NPAS2: variants seen among roughly 807,000 people sequenced by gnomAD.
The protein encoded by NPAS2 is neuronal PAS domain protein 2, also known as neuronal PAS domain-containing protein 2.
In NPAS2, 23 loss-of-function variants were observed where a neutral mutation model predicts 107.5. The observed-to-expected ratio is 0.21, with a 90% confidence interval of 0.15 to 0.30. The LOEUF is 0.30. NPAS2 is among the 10% of genes least tolerant of loss of function. NPAS2 has a pLI of 1.00. For synonymous variants in NPAS2, 403 were observed against 417.5 expected (o/e 0.97, Z 0.42); for missense variants, 756 against 1,043.3 (o/e 0.72, Z 3.79).
intron 1 of NPAS2, among the ~76,000 whole-genome samples, chr2:100,884,037 A>G (rs550141146): frequency 3.1e-4 from 47 of 152,260 alleles, no homozygotes; most frequent in African/African-American, 1.1e-3. Flanking sequence ...TCCTGTCTTC[A>G]TGTCCTGTCC....
Position 100,954,868 on chromosome 2 carries a change from GTTTTTTTTGT to G in NPAS2, c.598+5398_598+5407del, listed in dbSNP as rs1403838200. Among the ~76,000 whole-genome samples the G allele has an allele frequency of 8.6e-3, 1,126 of 130,886 alleles. 15 individuals are homozygous for G. The highest frequency in any genetic ancestry group is 0.032 in the African/African-American group (1,069 of 33,042). 85.9% of individuals were successfully genotyped at this position (130,886 alleles called of 152,430 possible). A position where few individuals can be genotyped will look rare whatever the true frequency, so the allele number is the denominator to read the frequency against. ...CTAACATCATTTTTTTGTTTTTTTTGTTTTTTTTGTTTTTTTTTGGTTTTTTTGAGACGGA... is the reference window on the plus strand; with the variant it reads ...CTAACATCATTTTTTTGTTTTTTTTGTTTTTTTTGGTTTTTTTGAGACGGA... On this transcript the variant is annotated intron_variant, in intron 7 of 20. Coordinates refer to ENST00000335681, the MANE Select transcript of NPAS2 (RefSeq NM_002518.4).
intron 7 of NPAS2, among the ~76,000 whole-genome samples, chr2:100,959,848 A>T (rs971127601): frequency 3.9e-5 from 6 of 152,172 alleles, no homozygotes; most frequent in Non-Finnish European, 8.8e-5. Flanking sequence ...AGAATACTTA[A>T]TTGTTCTGAT....
At chr2:100,920,091 C>CT (rs1439083733) in intron 2 of NPAS2, among the ~76,000 whole-genome samples, 1 of 152,134 alleles carries the variant, frequency 6.6e-6, no homozygotes, top group Non-Finnish European at 1.5e-5. Context: ...CTTCCTGTCT[C>CT]TAATTGCCCT....
At chr2:100,933,766 G>A (rs1405713237) in intron 4 of NPAS2, among the ~76,000 whole-genome samples, 2 of 152,198 alleles carry the variant, frequency 1.3e-5, no homozygotes. Flanking sequence ...ATATGGATAT[G>A]GCAGTGGGTC....
At chr2:100,919,419 G>A (rs927248474) in intron 2 of NPAS2, among the ~76,000 whole-genome samples, 6 of 152,210 alleles carry the variant, frequency 3.9e-5, no homozygotes, top group East Asian at 1.9e-4. Context: ...AGCACCCACC[G>A]TCAGCGTCAC....
chr2:100,925,102 G>A, intron 2 of NPAS2, 44 bp from the exon 3 acceptor site: 1 of 1,572,108 alleles, frequency 6.4e-7, no homozygotes, highest in Non-Finnish European at 8.7e-7. Context: ...CAAAGCCTTT[G>A]TGACGTGGAA....
At chr2:100,844,293 C>A (rs1360623086) in intron 1 of NPAS2, among the ~76,000 whole-genome samples, 2 of 152,054 alleles carry the variant, frequency 1.3e-5, no homozygotes, top group Non-Finnish European at 2.9e-5. Context: ...CCCTAGGGAC[C>A]CTTACCCAGG....
chr2:100,896,105 C>A (rs1681395104), intron 1 of NPAS2, among the ~76,000 whole-genome samples: 1 of 152,156 alleles, frequency 6.6e-6, no homozygotes, highest in Non-Finnish European at 1.5e-5. Flanking sequence ...GCTTTCTGTG[C>A]CCCAGGCATC....
At chr2:100,955,367 C>T (rs528279648) in intron 7 of NPAS2, among the ~76,000 whole-genome samples, 1 of 152,248 alleles carries the variant, frequency 6.6e-6, no homozygotes, top group South Asian at 2.1e-4. Flanking sequence ...ATGGTCCTTA[C>T]CCAGCACATA....
At position 100,820,940 on chromosome 2, in the gene NPAS2, C is replaced by T; in HGVS notation, c.-23+526C>T. 1 of 862,476 alleles carries T rather than the reference C, an allele frequency of 1.2e-6. No individual in the cohort carries two copies. The highest frequency in any genetic ancestry group is 6.8e-5 in the East Asian group (1 of 14,670). 53.4% of individuals were successfully genotyped at this position (862,476 alleles called of 1,614,324 possible). On this transcript the variant is annotated intron_variant, in intron 1 of 20. Coordinates refer to ENST00000335681, the MANE Select transcript of NPAS2 (RefSeq NM_002518.4). This position sits in a 1 kb window ranked among gnomAD's most constrained non-coding sequence, Gnocchi z 5.6. Reference sequence around the variant, plus strand: ...GGATTGGGTGCGGAATCGGTGCCCCCAACCCCCGTGTGCGCAGACAGCGTG... The same window carrying T: ...GGATTGGGTGCGGAATCGGTGCCCCTAACCCCCGTGTGCGCAGACAGCGTG...
intron 1 of NPAS2, among the ~76,000 whole-genome samples, chr2:100,892,609 A>G (rs547830800): frequency 2.0e-5 from 3 of 152,328 alleles, no homozygotes; most frequent in South Asian, 4.1e-4. Flanking sequence ...TCCAGGTCAG[A>G]GAATGTGCCA....
intron 1 of NPAS2, among the ~76,000 whole-genome samples, chr2:100,842,306 T>A (rs1325554716): frequency 6.6e-6 from 1 of 152,158 alleles, no homozygotes; most frequent in Admixed American, 6.5e-5. Context: ...CCATCCCATC[T>A]CCAAGGAGCT....
At chr2:100,937,565 G>T (rs1261652855) in intron 4 of NPAS2, among the ~76,000 whole-genome samples, 188 bp from the exon 5 acceptor site, 1 of 152,082 alleles carries the variant, frequency 6.6e-6, no homozygotes, top group African/African-American at 2.4e-5. Context: ...ACTTTTCCTG[G>T]GCCAGACACA....
chr2:100,893,253 A>G (rs531543082), intron 1 of NPAS2, among the ~76,000 whole-genome samples: 1 of 152,348 alleles, frequency 6.6e-6, no homozygotes, highest in South Asian at 2.1e-4. Context: ...ATCCAAAACG[A>G]CATGAGGTCC....
chr2:100,975,623 T>C, intron 14 of NPAS2, 56 bp downstream of exon 14: 1 of 1,325,934 alleles, frequency 7.5e-7, no homozygotes, highest in Non-Finnish European at 1.0e-6. Context: ...TGGTGGGGGC[T>C]GCAGAGCCAG....
chr2:100,844,032 T>C (rs934456188), intron 1 of NPAS2, among the ~76,000 whole-genome samples: 1 of 152,170 alleles, frequency 6.6e-6, no homozygotes, highest in Non-Finnish European at 1.5e-5. Context: ...CCCACCCTGA[T>C]AGGGCCGGGC....
Position 100,974,806 on chromosome 2 carries a change from A to G in NPAS2, c.1144A>G (p.Lys382Glu), listed in dbSNP as rs1023474318. The change falls in exon 13 of 21, where the codon AAG becomes GAG. Residue 382 changes from lysine (K) to glutamate (E), a missense_variant. Lys to Glu is a moderately conservative substitution (Grantham distance 56). Transcript: ENST00000335681. Reference protein sequence around the residue: ...EALHSSALKDKGSSLEPRQHF... With the variant: ...EALHSSALKDEGSSLEPRQHF... ...CTGTTTGATGTGTGTGTTTCAGGAC[A>G]AGGGCTCAAGCCTGGAACCTCGGCA... 6.2e-7 allele frequency: 1 copy of G among 1,613,800 alleles called. No homozygotes were observed. The highest frequency in any genetic ancestry group is 8.5e-7 in the Non-Finnish European group (1 of 1,179,832).
At chr2:100,974,301 AG>A (rs1379673094) in intron 12 of NPAS2, among the ~76,000 whole-genome samples, 1 of 152,208 alleles carries the variant, frequency 6.6e-6, no homozygotes, top group East Asian at 1.9e-4. Context: ...AGAGGTCGAA[AG>A]ACAGGAGACC....
In NPAS2 at chr2:100,921,775, T is replaced by TTATCAGGTTAAACATACGCTTAG. The variant is rs1186145705; in HGVS notation, c.33-3370_33-3348dup. ...CACTGTATGTCAGTGCAGCCGTGTCTTATCAGGTTAAACATACGCTTAGCA... is the reference window on the plus strand; with the variant it reads ...CACTGTATGTCAGTGCAGCCGTGTCTTATCAGGTTAAACATACGCTTAGTATCAGGTTAAACATACGCTTAGCA... On this transcript the variant is annotated intron_variant, in intron 2 of 20. Transcript: ENST00000335681. Among the ~76,000 whole-genome samples, 4 of 152,206 alleles carry TTATCAGGTTAAACATACGCTTAG rather than the reference T, an allele frequency of 2.6e-5. No individual in the cohort carries two copies. In the East Asian group the frequency reaches 7.7e-4, roughly 29 times the overall value.
Sources: gnomAD v4.1 joint callset for allele counts (sites outside exome capture counted in the v4.1 genomes callset) on GRCh38, gnomAD v4.1.1 for gene constraint, Gnocchi (gnomAD v3.1) non-coding constraint, MANE v1.5 for transcripts, NCBI Gene and HGNC (gene_info 2026-07-23, HGNC 2026-07-21) for gene names.